Variants in MCF2L2 observed in about 807,000 individuals in gnomAD.
MCF2L2 encodes probable guanine nucleotide exchange factor MCF2L2.
In MCF2L2, 102 loss-of-function variants were observed where a neutral mutation model predicts 150.2. That is an observed-to-expected ratio of 0.68 (90% CI 0.58 to 0.80). The LOEUF is 0.80. Among genes scored for constraint, MCF2L2 ranks in the 30% least tolerant of loss-of-function variants. The pLI, the probability that MCF2L2 is intolerant of heterozygous loss-of-function variation, is 0.00. For synonymous variants in MCF2L2, 465 were observed against 491.3 expected, an observed-to-expected ratio of 0.95 and a Z score of 0.71; for missense variants, 1,256 against 1,372.8, an observed-to-expected ratio of 0.91 and a Z score of 1.34.
chr3:183,334,969 G>A (rs978882254), intron 5 of MCF2L2, among the ~76,000 whole-genome samples: 5 of 151,614 alleles, frequency 3.3e-5, no homozygotes, highest in African/African-American at 1.2e-4. Flanking sequence ...AGCCTGCATG[G>A]TGCAGCGTGC....
At chr3:183,379,263 T>G in intron 3 of MCF2L2, 34 bp downstream of exon 3, 5 of 1,507,302 alleles carry the variant, frequency 3.3e-6, no homozygotes, top group Non-Finnish European at 4.5e-6. Context: ...ATAAAGCCAG[T>G]GCCTAAGGCG....
At chr3:183,228,184 G>A in intron 18 of MCF2L2, 113 bp downstream of exon 18, 3 of 734,908 alleles carry the variant, frequency 4.1e-6, no homozygotes, top group South Asian at 3.3e-5. Flanking sequence ...CTTGGAGTCG[G>A]AGGGAAGCAG....
In MCF2L2 at chr3:183,179,387, T is replaced by C. The variant is rs1329409817; in HGVS notation, c.3338A>G (p.Glu1113Gly). 6.5e-7 allele frequency: 1 copy of C among 1,539,770 alleles called. No homozygotes were observed. Among genetic ancestry groups the C allele is most frequent in the Non-Finnish European group, 8.8e-7 (1 of 1,142,824 alleles). The change falls in exon 30 of 30, where the codon GAG (glutamate) becomes GGG (glycine). Residue 1113 changes from glutamate to glycine, a missense_variant. Coordinates refer to ENST00000328913, the MANE Select transcript of MCF2L2 (RefSeq NM_015078.4). This position sits in a 1 kb window ranked among gnomAD's most constrained non-coding sequence, Gnocchi z 4.2. Reference protein sequence around the residue: ...RALRPRTSAQES With the variant: ...RALRPRTSAQGS The stretch of plus-strand genomic sequence containing the variant: ...GGGGCGTCCGCAGGGAGGTCAGCTC[T>C]CCTGGGCGGAGGTCCTCGGGCGCAG...
At chr3:183,299,660 C>A in intron 11 of MCF2L2, 1 of 222,874 alleles carries the variant, frequency 4.5e-6, no homozygotes, top group Non-Finnish European at 8.7e-6. Flanking sequence ...GGGAAGCACT[C>A]TGCAAATATA....
At chr3:183,351,574 C>G (rs1711506255) in intron 3 of MCF2L2, among the ~76,000 whole-genome samples, 1 of 151,990 alleles carries the variant, frequency 6.6e-6, no homozygotes, top group Non-Finnish European at 1.5e-5. Context: ...AACTCTGATT[C>G]AAATACCTAA....
Position 183,363,209 on chromosome 3 carries a change from A to C in MCF2L2, c.275+16088T>G, listed in dbSNP as rs867501483. On this transcript the variant is annotated intron_variant, in intron 3 of 29. Transcript: ENST00000328913. ...TGCTGGTGGGAATGCAACACGGCAC[A>C]GCCACTTTAGAAGACAGTTGGGCAG... 1.1e-4 allele frequency among the ~76,000 whole-genome samples: 16 copies of C among 152,352 alleles called. 1 individual carries two copies. The Middle Eastern group carries it at 0.01, about 97-fold the overall frequency.
chr3:183,320,810 T>C (rs975341762), intron 6 of MCF2L2, among the ~76,000 whole-genome samples: 2 of 152,256 alleles, frequency 1.3e-5, no homozygotes, highest in African/African-American at 2.4e-5. Context: ...TCTAGCTTTC[T>C]GCCTGTCTCA....
At chr3:183,286,071 CG>C (rs1727776451) in intron 14 of MCF2L2, among the ~76,000 whole-genome samples, 1 of 152,154 alleles carries the variant, frequency 6.6e-6, no homozygotes, top group Non-Finnish European at 1.5e-5. Flanking sequence ...CAGATGGCCC[CG>C]GAAGAGTCTC....
At chr3:183,372,328 T>A (rs1300682416) in intron 3 of MCF2L2, 1 of 152,138 alleles carries the variant, frequency 6.6e-6, no homozygotes, top group Non-Finnish European at 1.5e-5. Context: ...AGTACTAATA[T>A]CAGACCCCAT....
chr3:183,295,431 A>G lies in MCF2L2; in HGVS notation c.1544T>C (p.Ile515Thr), dbSNP rs767759131. The change falls in exon 13 of 30, where the codon ATA becomes ACA. Residue 515 changes from isoleucine to threonine, a missense_variant. By Grantham distance (89) the Ile-to-Thr change is moderately conservative (BLOSUM62 -1). Coordinates refer to ENST00000328913, the MANE Select transcript of MCF2L2 (RefSeq NM_015078.4). ...VLQRLDDVQE[I>T]FHKRQVSLMK... ...CAGACTCACTTGCCTCTTGTGAAAT[A>G]TTTCCTGGACATCATCCAGCCTCTG... 122 of 1,614,034 alleles carry G rather than the reference A, an allele frequency of 7.6e-5. No individual in the cohort carries two copies. In the Middle Eastern group the frequency reaches 1.2e-3, roughly 15 times the overall value.
At position 183,338,780 on chromosome 3, in the gene MCF2L2, A is replaced by T; in HGVS notation, c.486+20T>A. The T allele has an allele frequency of 6.3e-7, 1 of 1,587,316 alleles. No homozygotes were observed. The highest frequency in any genetic ancestry group is 8.6e-7 in the Non-Finnish European group (1 of 1,162,102). On this transcript the variant is annotated intron_variant, in intron 5 of 29. Coordinates refer to ENST00000328913, the MANE Select transcript of MCF2L2 (RefSeq NM_015078.4). The stretch of plus-strand genomic sequence containing the variant: ...CCAGAAGCCCTAACCAAATGAGACA[A>T]GATGAAAGGTCTTGCTTACCGGCAC...
intron 1 of MCF2L2, among the ~76,000 whole-genome samples, chr3:183,413,175 G>C (rs1243768711): frequency 6.6e-6 from 1 of 152,050 alleles, no homozygotes; most frequent in Non-Finnish European, 1.5e-5. Flanking sequence ...AACAATGTAG[G>C]AGCTGGGGTG....
At chr3:183,309,468 A>G (rs2108507685) in intron 10 of MCF2L2, among the ~76,000 whole-genome samples, 1 of 152,196 alleles carries the variant, frequency 6.6e-6, no homozygotes, top group African/African-American at 2.4e-5. Context: ...GCTGGTCCAG[A>G]GTCCTCACCC....
intron 15 of MCF2L2, among the ~76,000 whole-genome samples, chr3:183,233,701 T>C (rs544770867): frequency 6.6e-6 from 1 of 152,184 alleles, no homozygotes; most frequent in Non-Finnish European, 1.5e-5. Context: ...AGCTAAAGTA[T>C]GGGAAAGGAG....
chr3:183,232,188 G>A (rs772115552), intron 15 of MCF2L2, among the ~76,000 whole-genome samples: 12 of 152,172 alleles, frequency 7.9e-5, no homozygotes, highest in Non-Finnish European at 1.6e-4. Flanking sequence ...GTGGGCAGCC[G>A]TAGGAACTGA....
At chr3:183,384,662 G>C (rs1386323823) in intron 2 of MCF2L2, among the ~76,000 whole-genome samples, 1 of 152,096 alleles carries the variant, frequency 6.6e-6, no homozygotes, top group African/African-American at 2.4e-5. Flanking sequence ...TAAAAACTCT[G>C]TTCCCTGAAT....
At chr3:183,223,578 TG>T (rs1723223969) in intron 19 of MCF2L2, 140 bp from the exon 20 acceptor site, 1 of 639,508 alleles carries the variant, frequency 1.6e-6, no homozygotes, top group East Asian at 2.7e-5. Flanking sequence ...CATAAGGCTG[TG>T]GGGTTGTTCT....
At chr3:183,353,282 C>T (rs1462947536) in intron 3 of MCF2L2, among the ~76,000 whole-genome samples, 1 of 152,130 alleles carries the variant, frequency 6.6e-6, no homozygotes, top group African/African-American at 2.4e-5. Context: ...AGGATACTTC[C>T]GCTTTACAGA....
At chr3:183,408,705 A>T (rs1715169892) in intron 1 of MCF2L2, among the ~76,000 whole-genome samples, 1 of 152,240 alleles carries the variant, frequency 6.6e-6, no homozygotes. Context: ...ATGTGAACTG[A>T]TCTAACAATA....
Sources: gnomAD v4.1 joint callset for allele counts (sites outside exome capture counted in the v4.1 genomes callset) on GRCh38, gnomAD v4.1.1 for gene constraint, Gnocchi (gnomAD v3.1) non-coding constraint, MANE v1.5 for transcripts, NCBI Gene and HGNC (gene_info 2026-07-23, HGNC 2026-07-21) for gene names.